Variants in HDAC9 observed in about 807,000 individuals in gnomAD.
HDAC9 encodes MEF-2 interacting transcription repressor (MITR) protein.
In HDAC9, 41 loss-of-function variants were observed where a neutral mutation model predicts 139.4. The observed-to-expected ratio is 0.29, with a 90% CI of 0.23 to 0.38. The LOEUF is 0.38. Ranked by LOEUF, HDAC9 falls within the 10% of genes least tolerant of loss-of-function variation. The pLI is 1.00. For missense variants in HDAC9, 1,147 were observed against 1,297.0 expected, an observed-to-expected ratio of 0.88 and a Z score of 1.78; for synonymous variants, 517 against 476.2, an observed-to-expected ratio of 1.09 and a Z score of -1.12.
At chr7:18,833,905 T>G (rs1272236725) in intron 19 of HDAC9, among the ~76,000 whole-genome samples, 1 of 152,156 alleles carries the variant, frequency 6.6e-6, no homozygotes, top group Non-Finnish European at 1.5e-5. Flanking sequence ...TGAAGACAGG[T>G]CATATAAGTC....
At chr7:18,181,933 G>A (rs1430955194) in intron 2 of HDAC9, among the ~76,000 whole-genome samples, 1 of 152,194 alleles carries the variant, frequency 6.6e-6, no homozygotes, top group African/African-American at 2.4e-5. Context: ...AGAGGAAAAT[G>A]AGATCACATC....
At chr7:18,307,541 G>C (rs536101861) in intron 1 of HDAC9, among the ~76,000 whole-genome samples, 1 of 152,104 alleles carries the variant, frequency 6.6e-6, no homozygotes, top group South Asian at 2.1e-4. Context: ...CATGGCTCAC[G>C]CTTGCATTCC....
At chr7:18,397,273 C>T (rs1382706270) in intron 1 of HDAC9, among the ~76,000 whole-genome samples, 1 of 152,106 alleles carries the variant, frequency 6.6e-6, no homozygotes. Context: ...TTGACATTGA[C>T]ATATTAGCAC....
Position 18,701,459 on chromosome 7 carries a change from A to G in HDAC9, c.1732-26121A>G, listed in dbSNP as rs186564993. Among the ~76,000 whole-genome samples, 184 of 151,856 alleles carry G rather than the reference A, an allele frequency of 1.2e-3. 1 individual carries two copies. Among genetic ancestry groups the G allele is most frequent in the African/African-American group, 4.4e-3 (181 of 41,426 alleles). ...CTGTACTATAGTACCACAGTACACC[A>G]GTACTATGAAACTCAACTGGTTAGT... On this transcript the variant is annotated intron_variant, in intron 12 of 25. Transcript: ENST00000686413.
At chr7:18,114,889 T>C (rs547710644) in intron 1 of HDAC9, among the ~76,000 whole-genome samples, 1 of 152,372 alleles carries the variant, frequency 6.6e-6, no homozygotes, top group South Asian at 2.1e-4. Flanking sequence ...TATGTTAGCC[T>C]CTTCGCAGCT....
intron 12 of HDAC9, among the ~76,000 whole-genome samples, chr7:18,724,390 T>C (rs10249862): frequency 0.036 from 5,527 of 152,188 alleles, 341 homozygotes; most frequent in African/African-American, 0.13. Flanking sequence ...AATTTGTGTA[T>C]ATAAACATAG....
rs144492797 is a variant in HDAC9, at chr7:18,715,499, T to C, written c.1732-12081T>C. Among the ~76,000 whole-genome samples, 423 of 152,294 alleles carry C rather than the reference T, an allele frequency of 2.8e-3. 4 individuals are homozygous for C. Among genetic ancestry groups the C allele is most frequent in the African/African-American group, 9.8e-3 (409 of 41,550 alleles). On this transcript the variant is annotated intron_variant, in intron 12 of 25. Coordinates refer to ENST00000686413, the MANE Select transcript of HDAC9 (RefSeq NM_178425.4). The stretch of plus-strand genomic sequence containing the variant: ...CTTGAGTTAGACATGCTTGGTAATT[T>C]ATACACAAGCAATTGGGTCTAGACG...
chr7:18,554,013 G>A (rs1817953211), intron 2 of HDAC9, among the ~76,000 whole-genome samples: 1 of 152,174 alleles, frequency 6.6e-6, no homozygotes, highest in Non-Finnish European at 1.5e-5. Context: ...TCCACACATT[G>A]TAGGAAGTTA....
At chr7:18,310,518 G>T (rs754031828) in intron 1 of HDAC9, among the ~76,000 whole-genome samples, 1 of 152,088 alleles carries the variant, frequency 6.6e-6, no homozygotes, top group Non-Finnish European at 1.5e-5. Context: ...AATGCCAGTT[G>T]TATTTTTCTA....
At chr7:18,162,099 T>C in intron 1 of HDAC9, 1 of 531,812 alleles carries the variant, frequency 1.9e-6, no homozygotes, top group East Asian at 3.0e-5. Context: ...GTAAGGTTGA[T>C]ATGACTGCCT....
At position 18,222,386 on chromosome 7, in the gene HDAC9, G is replaced by A. The variant is rs896431631; in HGVS notation, c.25+60037G>A. 6.6e-5 allele frequency among the ~76,000 whole-genome samples: 10 copies of A among 152,070 alleles called. 1 individual carries two copies. In the South Asian group the frequency reaches 2.1e-3, roughly 32 times the overall value. On this transcript the variant is annotated intron_variant, in intron 2 of 12. Transcript: ENST00000417496. ...AAACCTAAGCAACGTGTTTTCAAAA[G>A]GGCAGGTAGCTGTTAGCTTTATGTG...
At chr7:18,728,979 C>T (rs1478120466) in intron 13 of HDAC9, among the ~76,000 whole-genome samples, 1 of 152,164 alleles carries the variant, frequency 6.6e-6, no homozygotes, top group African/African-American at 2.4e-5. Flanking sequence ...CTTCCAGGAG[C>T]ATAGCAAAAC....
At chr7:18,115,150 G>C (rs1783890214) in intron 1 of HDAC9, among the ~76,000 whole-genome samples, 1 of 152,084 alleles carries the variant, frequency 6.6e-6, no homozygotes, top group South Asian at 2.1e-4. Flanking sequence ...AAAATTAGCT[G>C]GGCTTGGTGG....
intron 2 of HDAC9, among the ~76,000 whole-genome samples, chr7:18,196,478 G>A (rs1220398284): frequency 6.6e-6 from 1 of 152,178 alleles, no homozygotes; most frequent in Non-Finnish European, 1.5e-5. Context: ...GGAGTATGTT[G>A]AGGAGCGAAT....
intron 2 of HDAC9, among the ~76,000 whole-genome samples, chr7:18,215,272 A>G (rs1169361459): frequency 6.6e-6 from 1 of 152,156 alleles, no homozygotes; most frequent in African/African-American, 2.4e-5. Flanking sequence ...TTTTGATATC[A>G]TTAGATGAGA....
intron 1 of HDAC9, among the ~76,000 whole-genome samples, chr7:18,360,425 T>C (rs1465288390): frequency 2.0e-5 from 3 of 152,178 alleles, no homozygotes; most frequent in African/African-American, 7.2e-5. Flanking sequence ...GCATCAACCT[T>C]ATGACTTGTT....
intron 1 of HDAC9, among the ~76,000 whole-genome samples, chr7:18,444,466 G>A (rs1792107705): frequency 6.6e-6 from 1 of 151,128 alleles, no homozygotes; most frequent in South Asian, 2.1e-4. Flanking sequence ...GTAAATAAAA[G>A]GGGAAAGGTA....
At chr7:18,811,699 A>G (rs1346823900) in intron 17 of HDAC9, among the ~76,000 whole-genome samples, 1 of 151,746 alleles carries the variant, frequency 6.6e-6, no homozygotes, top group African/African-American at 2.4e-5. Context: ...ACTTTTATGC[A>G]TATGTAGATT....
At chr7:18,098,646 A>C (rs1782659810) in intron 1 of HDAC9, among the ~76,000 whole-genome samples, 1 of 152,156 alleles carries the variant, frequency 6.6e-6, no homozygotes. Context: ...TTTTCAAGGC[A>C]GTTTTGTCTA....
Sources: gnomAD v4.1 joint callset for allele counts (sites outside exome capture counted in the v4.1 genomes callset) on GRCh38, gnomAD v4.1.1 for gene constraint, MANE v1.5 for transcripts, NCBI Gene and HGNC (gene_info 2026-07-23, HGNC 2026-07-21) for gene names.